The following CNTNAP2 variants were observed in gnomAD, a reference collection of about 807,000 sequenced individuals.
CNTNAP2 encodes the protein contactin associated protein 2.
A neutral mutation model predicts 155.2 loss-of-function variants in CNTNAP2; 98 were observed. The ratio of observed to expected loss-of-function variants is 0.63; its 90% CI spans 0.54 to 0.75. The LOEUF (loss-of-function observed/expected upper bound fraction) is 0.75, where lower values mean the gene tolerates loss of function less well. CNTNAP2 is among the 30% of genes least tolerant of loss of function. The probability of loss-of-function intolerance (pLI) is 0.00; values close to 1 mark genes in which losing one functional copy is unlikely to be tolerated. For synonymous variants in CNTNAP2, 651 were observed against 631.2 expected (o/e 1.03, Z -0.47); for missense variants, 1,727 against 1,688.1 (o/e 1.02, Z -0.40).
At chr7:146,675,022 A>T (rs1458920959) in intron 1 of CNTNAP2, among the ~76,000 whole-genome samples, 1 of 152,156 alleles carries the variant, frequency 6.6e-6, no homozygotes, top group Non-Finnish European at 1.5e-5. Context: ...CTAAAGTGGC[A>T]TATTTTGGGG....
chr7:146,170,076 G>A (rs1165300941), intron 1 of CNTNAP2, among the ~76,000 whole-genome samples: 1 of 149,146 alleles, frequency 6.7e-6, no homozygotes, highest in Non-Finnish European at 1.5e-5. Flanking sequence ...GCTGAGGCTG[G>A]AGTGCAGTGG....
At chr7:147,139,948 A>G (rs1227826567) in intron 8 of CNTNAP2, among the ~76,000 whole-genome samples, 2 of 152,022 alleles carry the variant, frequency 1.3e-5, no homozygotes, top group Admixed American at 1.3e-4. Context: ...AATCATGACT[A>G]CATTTTCTGA....
In CNTNAP2 at chr7:147,057,049, C is replaced by T. The variant is rs542673868; in HGVS notation, c.550+12995C>T. ...TCCTGGGCTTAAGCAATCCTTCTACCTTGGCCTCCCAAAGTGTTGGGATTA... is the reference window on the plus strand; with the variant it reads ...TCCTGGGCTTAAGCAATCCTTCTACTTTGGCCTCCCAAAGTGTTGGGATTA... On this transcript the variant is annotated intron_variant, in intron 4 of 23. Coordinates refer to ENST00000361727, the MANE Select transcript of CNTNAP2 (RefSeq NM_014141.6). Among the ~76,000 whole-genome samples, 214 of 152,146 alleles carry T rather than the reference C, an allele frequency of 1.4e-3. 1 individual carries two copies. Among genetic ancestry groups the T allele is most frequent in the African/African-American group, 4.7e-3 (196 of 41,504 alleles).
intron 1 of CNTNAP2, among the ~76,000 whole-genome samples, chr7:146,196,430 G>T (rs1411331656): frequency 6.6e-6 from 1 of 152,092 alleles, no homozygotes; most frequent in Non-Finnish European, 1.5e-5. Flanking sequence ...CCAAGCACAT[G>T]GGAGTTTTGA....
chr7:146,689,389 C>G (rs547413384), intron 1 of CNTNAP2, among the ~76,000 whole-genome samples: 1 of 151,826 alleles, frequency 6.6e-6, no homozygotes, highest in African/African-American at 2.4e-5. Flanking sequence ...CCTTAGTGAC[C>G]ATGAGATCAT....
At chr7:148,295,298 A>G (rs1437112170) in intron 21 of CNTNAP2, among the ~76,000 whole-genome samples, 1 of 152,140 alleles carries the variant, frequency 6.6e-6, no homozygotes, top group African/African-American at 2.4e-5. Flanking sequence ...GATAAATGAA[A>G]TTGTAAAGAC....
At chr7:146,490,250 C>T (rs1368071187) in intron 1 of CNTNAP2, among the ~76,000 whole-genome samples, 4 of 152,156 alleles carry the variant, frequency 2.6e-5, no homozygotes, top group African/African-American at 4.8e-5. Flanking sequence ...TTATATATCT[C>T]AGACACTGTT....
intron 21 of CNTNAP2, among the ~76,000 whole-genome samples, chr7:148,335,739 C>A (rs999531637): frequency 6.6e-6 from 1 of 152,204 alleles, no homozygotes; most frequent in Non-Finnish European, 1.5e-5. Context: ...TCTCCGTCTG[C>A]TGACTCACAT....
At chr7:146,651,060 C>T in intron 1 of CNTNAP2, among the ~76,000 whole-genome samples, 1 of 151,840 alleles carries the variant, frequency 6.6e-6, no homozygotes, top group South Asian at 2.1e-4. Flanking sequence ...CTCCATAAAA[C>T]AGACTATCAC....
At chr7:148,203,691 G>C (rs755549866) in intron 18 of CNTNAP2, among the ~76,000 whole-genome samples, 1 of 152,136 alleles carries the variant, frequency 6.6e-6, no homozygotes, top group Non-Finnish European at 1.5e-5. Context: ...GTTGCAGTGA[G>C]CCAAGGTCGT....
At chr7:146,975,351 G>C (rs559542250) in intron 3 of CNTNAP2, among the ~76,000 whole-genome samples, 4 of 152,226 alleles carry the variant, frequency 2.6e-5, no homozygotes, top group South Asian at 2.1e-4. Context: ...TGTAGTCCCA[G>C]ATACTCAGGA....
chr7:147,574,868 G>C (rs1316836868), intron 12 of CNTNAP2, among the ~76,000 whole-genome samples: 1 of 152,008 alleles, frequency 6.6e-6, no homozygotes, highest in African/African-American at 2.4e-5. Flanking sequence ...CAGCCACAAG[G>C]CTTAGGAGAC....
chr7:146,227,104 T>G (rs2080180), intron 1 of CNTNAP2, among the ~76,000 whole-genome samples: 111,948 of 152,024 alleles, frequency 0.74, 41,425 homozygotes, highest in East Asian at 0.94. Flanking sequence ...TTAAGAGATA[T>G]TAAGAGAGGA....
intron 14 of CNTNAP2, among the ~76,000 whole-genome samples, chr7:147,954,558 G>A (rs1252796477): frequency 6.6e-6 from 1 of 152,052 alleles, no homozygotes; most frequent in Non-Finnish European, 1.5e-5. Flanking sequence ...TCAGTGTTAT[G>A]CATCTTGTTC....
At chr7:147,271,521 T>TA (rs1158536382) in intron 8 of CNTNAP2, among the ~76,000 whole-genome samples, 1 of 152,106 alleles carries the variant, frequency 6.6e-6, no homozygotes, top group Non-Finnish European at 1.5e-5. Flanking sequence ...ACACTGCTGG[T>TA]AAAAACGTAC....
chr7:147,030,322 T>C (rs1055420129), intron 3 of CNTNAP2, among the ~76,000 whole-genome samples: 5 of 152,216 alleles, frequency 3.3e-5, no homozygotes, highest in Admixed American at 6.5e-5. Context: ...GGGAAGTTTC[T>C]TTCTGGGCTC....
At chr7:147,370,332 G>T (rs1372359351) in intron 9 of CNTNAP2, among the ~76,000 whole-genome samples, 1 of 152,144 alleles carries the variant, frequency 6.6e-6, no homozygotes, top group African/African-American at 2.4e-5. Context: ...ATTTTGTGAA[G>T]CCACACCACA....
chr7:147,493,238 C>A (rs192121258), intron 11 of CNTNAP2, among the ~76,000 whole-genome samples: 20 of 152,242 alleles, frequency 1.3e-4, no homozygotes, highest in Non-Finnish European at 2.6e-4. Flanking sequence ...TTTTTATTAG[C>A]AAGTATAATA....
intron 1 of CNTNAP2, among the ~76,000 whole-genome samples, chr7:146,524,766 G>T (rs1797663673): frequency 6.6e-6 from 1 of 152,076 alleles, no homozygotes; most frequent in Non-Finnish European, 1.5e-5. Flanking sequence ...CAAAATGTAT[G>T]TAATTATGAC....
Sources: allele counts gnomAD v4.1 joint callset (sites outside exome capture counted in the v4.1 genomes callset), GRCh38; gene constraint gnomAD v4.1.1; transcripts MANE v1.5; gene names NCBI Gene and HGNC (gene_info 2026-07-23, HGNC 2026-07-21).